NR3C2: variants seen among roughly 807,000 people sequenced by gnomAD.
The protein encoded by NR3C2 is mineralocorticoid receptor.
A neutral mutation model predicts 86.4 loss-of-function variants in NR3C2; 15 were observed. That is an observed-to-expected ratio of 0.17 (90% CI 0.12 to 0.27). The LOEUF (loss-of-function observed/expected upper bound fraction) is 0.27. Ranked by LOEUF, NR3C2 falls within the 10% of genes least tolerant of loss-of-function variation. NR3C2 has a pLI of 1.00. For missense variants in NR3C2, 960 were observed against 1,195.6 expected, an observed-to-expected ratio of 0.80 and a Z score of 2.91; for synonymous variants, 458 against 450.5, an observed-to-expected ratio of 1.02 and a Z score of -0.21.
chr4:148,357,841 G>T (rs1745624935), intron 2 of NR3C2, among the ~76,000 whole-genome samples: 1 of 152,154 alleles, frequency 6.6e-6, no homozygotes, highest in Non-Finnish European at 1.5e-5. Flanking sequence ...GCAAAGGTTT[G>T]ATGAGGAGGG....
intron 3 of NR3C2, among the ~76,000 whole-genome samples, chr4:148,239,769 G>A (rs1444228494): frequency 1.3e-5 from 2 of 152,166 alleles, no homozygotes; most frequent in Non-Finnish European, 2.9e-5. Flanking sequence ...AACACCATGT[G>A]AAAAATGAGG....
At chr4:148,265,758 C>T (rs1740353760) in intron 2 of NR3C2, among the ~76,000 whole-genome samples, 1 of 152,096 alleles carries the variant, frequency 6.6e-6, no homozygotes, top group South Asian at 2.1e-4. Flanking sequence ...ATTTGGAGGA[C>T]CATATAAACA....
intron 2 of NR3C2, among the ~76,000 whole-genome samples, chr4:148,269,452 G>C (rs1024598272): frequency 6.6e-6 from 1 of 152,216 alleles, no homozygotes. Context: ...TTCTATTAAG[G>C]ATTTTCCATA....
intron 3 of NR3C2, among the ~76,000 whole-genome samples, chr4:148,216,061 T>A (rs1737519802): frequency 6.6e-6 from 1 of 152,166 alleles, no homozygotes; most frequent in Non-Finnish European, 1.5e-5. Context: ...GTGTGAGACA[T>A]AGTTTCTGTC....
upstream of NR3C2, chr4:148,444,348 C>A: frequency 1.0e-6 from 1 of 985,338 alleles, no homozygotes; most frequent in Non-Finnish European, 1.2e-6. Context: ...GCCCGCCACC[C>A]AGCACCCTTG....
At chr4:148,186,845 C>T (rs372773502) in intron 4 of NR3C2, among the ~76,000 whole-genome samples, 3 of 151,100 alleles carry the variant, frequency 2.0e-5, no homozygotes, top group Admixed American at 2.0e-4. Flanking sequence ...CTCCCACATA[C>T]CAGTGACAAC....
intron 3 of NR3C2, among the ~76,000 whole-genome samples, chr4:148,250,617 GTTTC>G (rs1579067191): frequency 6.6e-6 from 1 of 152,196 alleles, no homozygotes; most frequent in African/African-American, 2.4e-5. Context: ...TAACTATGTA[GTTTC>G]TTTATTTTAA....
chr4:148,427,636 T>G (rs1432903695), intron 2 of NR3C2, among the ~76,000 whole-genome samples: 1 of 151,134 alleles, frequency 6.6e-6, no homozygotes, highest in African/African-American at 2.4e-5. Context: ...AGGGCAGCCA[T>G]AGAAAGGGGG....
At chr4:148,393,580 T>C (rs1031365391) in intron 2 of NR3C2, among the ~76,000 whole-genome samples, 2 of 152,040 alleles carry the variant, frequency 1.3e-5, no homozygotes, top group African/African-American at 4.8e-5. Flanking sequence ...CACCTAAAGG[T>C]GGCAGCCTAC....
At chr4:148,286,289 G>C (rs1257995575) in intron 2 of NR3C2, among the ~76,000 whole-genome samples, 1 of 152,092 alleles carries the variant, frequency 6.6e-6, no homozygotes, top group African/African-American at 2.4e-5. Flanking sequence ...TTAGCTTTAA[G>C]CCAGTCTCTG....
intron 3 of NR3C2, among the ~76,000 whole-genome samples, chr4:148,221,619 G>A (rs879846913): frequency 6.6e-6 from 1 of 152,120 alleles, no homozygotes; most frequent in Non-Finnish European, 1.5e-5. Flanking sequence ...CAGGCCAGGT[G>A]CGGTGGCTCA....
intron 3 of NR3C2, among the ~76,000 whole-genome samples, chr4:148,231,855 G>A (rs1738479662): frequency 6.6e-6 from 1 of 152,134 alleles, no homozygotes; most frequent in South Asian, 2.1e-4. Flanking sequence ...AATGTTCAAA[G>A]CATCTTCTCC....
intron 2 of NR3C2, among the ~76,000 whole-genome samples, chr4:148,286,511 G>A (rs1372192655): frequency 6.6e-6 from 1 of 152,180 alleles, no homozygotes; most frequent in Non-Finnish European, 1.5e-5. Context: ...AGTCAAATCT[G>A]TTAATTCATT....
chr4:148,402,871 TG>T (rs1422571019), intron 2 of NR3C2, among the ~76,000 whole-genome samples: 1 of 152,096 alleles, frequency 6.6e-6, no homozygotes, highest in East Asian at 1.9e-4. Context: ...AAATTTAAAA[TG>T]GCAAGCTGTA....
intron 4 of NR3C2, among the ~76,000 whole-genome samples, chr4:148,162,671 C>A (rs1052261855): frequency 6.6e-6 from 1 of 152,240 alleles, no homozygotes; most frequent in Non-Finnish European, 1.5e-5. Context: ...TGCTGGACTG[C>A]GTCGCATGGG....
intron 2 of NR3C2, among the ~76,000 whole-genome samples, chr4:148,377,327 T>C (rs1746730577): frequency 6.6e-6 from 1 of 152,196 alleles, no homozygotes; most frequent in Non-Finnish European, 1.5e-5. Flanking sequence ...CTGTGGCTAA[T>C]GTGGAGAAGA....
chr4:148,375,539 A>ACC (rs1042412981), intron 2 of NR3C2, among the ~76,000 whole-genome samples: 9 of 151,834 alleles, frequency 5.9e-5, no homozygotes, highest in Non-Finnish European at 1.2e-4. Context: ...AATATATTTG[A>ACC]CAAGATGGTA....
At chr4:148,372,172 CA>C (rs1746454617) in intron 2 of NR3C2, among the ~76,000 whole-genome samples, 1 of 151,988 alleles carries the variant, frequency 6.6e-6, no homozygotes, top group African/African-American at 2.4e-5. Context: ...ATTCCTTGGT[CA>C]AACATAATAA....
chr4:148,344,767 C>A (rs1359605456), intron 2 of NR3C2, among the ~76,000 whole-genome samples: 8 of 152,094 alleles, frequency 5.3e-5, no homozygotes, highest in Non-Finnish European at 1.2e-4. Context: ...TGAGAAAAAA[C>A]GGGAATGACA....
Sources: gnomAD v4.1 joint callset for allele counts (sites outside exome capture counted in the v4.1 genomes callset) on GRCh38, gnomAD v4.1.1 for gene constraint, MANE v1.5 for transcripts, NCBI Gene and HGNC (gene_info 2026-07-23, HGNC 2026-07-21) for gene names.